GPHN: variants seen among roughly 807,000 people sequenced by gnomAD.
GPHN encodes the protein gephyrin.
GPHN carries 17 observed loss-of-function variants against 95.5 expected under a neutral mutation model. The ratio of observed to expected loss-of-function variants is 0.18; its 90% CI spans 0.12 to 0.27. GPHN has a LOEUF of 0.27. GPHN is among the 10% of genes least tolerant of loss of function. The pLI is 1.00. For missense variants in GPHN, 660 were observed against 978.1 expected, an observed-to-expected ratio of 0.67 and a Z score of 4.34; for synonymous variants, 320 against 322.5, an observed-to-expected ratio of 0.99 and a Z score of 0.08.
At chr14:67,713,537 A>G in the GPHN span, among the ~76,000 whole-genome samples, 1 of 152,136 alleles carries the variant, frequency 6.6e-6, no homozygotes, top group East Asian at 1.9e-4. Flanking sequence ...GGTTTGAGCC[A>G]TAAAGTTAGC....
chr14:67,698,305 T>G, the GPHN span, among the ~76,000 whole-genome samples: 1 of 152,212 alleles, frequency 6.6e-6, no homozygotes, highest in Non-Finnish European at 1.5e-5. Flanking sequence ...ATTGATTATC[T>G]CTACTAAAAA....
At chr14:67,666,136 C>T in the GPHN span, among the ~76,000 whole-genome samples, 1 of 152,218 alleles carries the variant, frequency 6.6e-6, no homozygotes, top group African/African-American at 2.4e-5. Context: ...CCAAGCCAGA[C>T]AGTAAGAAGC....
At chr14:67,300,940 C>T in the GPHN span, among the ~76,000 whole-genome samples, 1 of 152,016 alleles carries the variant, frequency 6.6e-6, no homozygotes, top group African/African-American at 2.4e-5. Context: ...AATCCGCTTG[C>T]CTCAGCCTCT....
At chr14:66,816,698 TAGAA>T (rs980501910) in intron 3 of GPHN, among the ~76,000 whole-genome samples, 3 of 152,044 alleles carry the variant, frequency 2.0e-5, no homozygotes, top group African/African-American at 7.2e-5. Context: ...TCAAAAAAGT[TAGAA>T]AGATCTCCAG....
chr14:67,300,336 C>CTTTTTTTTTTTTTTTTTTT, the GPHN span, among the ~76,000 whole-genome samples: 139 of 139,030 alleles, frequency 1.0e-3, 4 homozygotes, highest in African/African-American at 1.8e-3. Flanking sequence ...TATGAATTAC[C>CTTTTTTTTTTTTTTTTTTT]TTTTTTTTTT....
chr14:66,784,224 A>G (rs899917132), intron 3 of GPHN, among the ~76,000 whole-genome samples: 11 of 152,214 alleles, frequency 7.2e-5, no homozygotes, highest in East Asian at 3.8e-4. Context: ...ACCATCACCA[A>G]TATAGAAAAC....
the GPHN span, among the ~76,000 whole-genome samples, chr14:67,486,542 G>A: frequency 3.3e-5 from 5 of 152,124 alleles, no homozygotes; most frequent in East Asian, 7.7e-4. Flanking sequence ...CAAAGTGCTG[G>A]GATTACAGGC....
the GPHN span, among the ~76,000 whole-genome samples, chr14:67,206,892 G>C: frequency 6.6e-6 from 1 of 151,976 alleles, no homozygotes; most frequent in Non-Finnish European, 1.5e-5. Flanking sequence ...CACACGCCCA[G>C]TTAATTTTTG....
intron 3 of GPHN, among the ~76,000 whole-genome samples, chr14:66,815,889 T>C (rs2060944274): frequency 6.6e-6 from 1 of 152,138 alleles, no homozygotes; most frequent in South Asian, 2.1e-4. Flanking sequence ...CGAGACCCAT[T>C]GATATGCTGT....
chr14:67,184,466 G>A (rs2083358621), downstream of GPHN, among the ~76,000 whole-genome samples: 1 of 152,114 alleles, frequency 6.6e-6, no homozygotes, highest in African/African-American at 2.4e-5. Flanking sequence ...TGATGGTGAT[G>A]GGAACGTCCG....
At chr14:67,729,363 G>A in the GPHN span, 4 of 1,597,814 alleles carry the variant, frequency 2.5e-6, no homozygotes, top group Non-Finnish European at 3.4e-6. Flanking sequence ...TGGAGCCCCT[G>A]AGTGGCAAGT....
At chr14:67,343,631 G>A in the GPHN span, among the ~76,000 whole-genome samples, 2 of 152,232 alleles carry the variant, frequency 1.3e-5, no homozygotes, top group Non-Finnish European at 2.9e-5. Flanking sequence ...TTGGGAGGCT[G>A]AGGTGGGAGA....
In GPHN at chr14:67,113,124, G is replaced by A; in HGVS notation, c.1579G>A (p.Glu527Lys). 1 of 1,614,010 alleles carries A rather than the reference G, an allele frequency of 6.2e-7. No individual in the cohort carries two copies. Among genetic ancestry groups the A allele is most frequent in the Non-Finnish European group, 8.5e-7 (1 of 1,179,860 alleles). The part of the protein sequence containing the change: ...LLATVGVTEV[E>K]VNKFPVVAVM... ...GGCAACTGTAGGTGTCACAGAGGTT[G>A]AAGTTAATAAGTTTCCAGTGGTTGC... is the stretch of plus-strand genomic sequence containing the variant. Residue 527 changes from glutamate (E) to lysine (K), a missense_variant, in exon 16 of 23, where the codon GAA (glutamate) becomes AAA (lysine). Transcript: ENST00000478722.
chr14:67,505,029 A>G, the GPHN span, among the ~76,000 whole-genome samples: 3 of 152,210 alleles, frequency 2.0e-5, no homozygotes, highest in Admixed American at 1.3e-4. Flanking sequence ...CAAAGCAGCT[A>G]TAGGAATTAA....
At chr14:66,751,814 A>G (rs1011573262) in intron 2 of GPHN, among the ~76,000 whole-genome samples, 2 of 152,184 alleles carry the variant, frequency 1.3e-5, no homozygotes, top group Non-Finnish European at 2.9e-5. Flanking sequence ...AAGAGAGTCA[A>G]CCTGTCCTGT....
chr14:66,517,319 G>GT (rs1192479282), intron 1 of GPHN, among the ~76,000 whole-genome samples: 2 of 151,996 alleles, frequency 1.3e-5, no homozygotes, highest in Non-Finnish European at 2.9e-5. Context: ...CATCCACATT[G>GT]TAGAAGTTAC....
the GPHN span, chr14:67,616,246 AC>A: frequency 3.3e-4 from 64 of 191,094 alleles, no homozygotes; most frequent in African/African-American, 1.6e-3. Flanking sequence ...TTAACACACT[AC>A]CAAATGTGTC....
rs546177225 is a variant in GPHN at position 67,036,192 on chromosome 14, A to C, written c.1006+12517A>C. On this transcript the variant is annotated intron_variant, in intron 10 of 22. Coordinates refer to ENST00000478722, the MANE Select transcript of GPHN (RefSeq NM_020806.5). ...ATTCAGCAACCTTTCGTGATATAACAATCAGCAAACTAGAAACAGAAGGAA... is the reference window on the plus strand; with the variant it reads ...ATTCAGCAACCTTTCGTGATATAACCATCAGCAAACTAGAAACAGAAGGAA... Among the ~76,000 whole-genome samples the C allele has an allele frequency of 5.3e-5, 8 of 151,918 alleles. No homozygotes were observed. The East Asian group carries it at 1.5e-3, about 29-fold the overall frequency.
At chr14:67,395,970 G>A in the GPHN span, among the ~76,000 whole-genome samples, 1 of 152,022 alleles carries the variant, frequency 6.6e-6, no homozygotes, top group Non-Finnish European at 1.5e-5. Context: ...ACTTGGCTGT[G>A]GACTCCCGGG....
Sources: allele counts gnomAD v4.1 joint callset (sites outside exome capture counted in the v4.1 genomes callset), GRCh38; gene constraint gnomAD v4.1.1; transcripts MANE v1.5; gene names NCBI Gene and HGNC (gene_info 2026-07-23, HGNC 2026-07-21).